Variants in CSF3R observed in about 807,000 individuals in gnomAD.
The protein encoded by CSF3R is colony stimulating factor 3 receptor, also known as granulocyte colony-stimulating factor receptor.
Under a neutral mutation model 84.4 loss-of-function variants are expected in CSF3R, and 52 were observed. The observed-to-expected ratio is 0.62, with a 90% CI of 0.49 to 0.78. CSF3R has a LOEUF of 0.78. Ranked by LOEUF, CSF3R falls within the 30% of genes least tolerant of loss-of-function variation. The probability of loss-of-function intolerance (pLI) is 0.00; values close to 1 mark genes in which losing one functional copy is unlikely to be tolerated. For synonymous variants in CSF3R, 384 were observed against 429.1 expected (o/e 0.89, Z 1.30); for missense variants, 890 against 1,055.7 (o/e 0.84, Z 2.17).
At chr1:36,482,275 G>A (rs1651567841) in intron 1 of CSF3R, among the ~76,000 whole-genome samples, 1 of 147,534 alleles carries the variant, frequency 6.8e-6, no homozygotes, top group South Asian at 2.2e-4. Flanking sequence ...AGAGAAAAAG[G>A]GCCCAATGTA....
At chr1:36,478,694 C>CAAA (rs111737215) in intron 3 of CSF3R, among the ~76,000 whole-genome samples, 67 of 139,220 alleles carry the variant, frequency 4.8e-4, no homozygotes, top group African/African-American at 1.7e-3. Context: ...CAAAAAAATA[C>CAAA]AACAACAAAA....
Position 36,466,880 on chromosome 1 carries a change from A to G in CSF3R, c.2041-53T>C. On this transcript the variant is annotated intron_variant, in intron 16 of 16. Coordinates refer to ENST00000373106, the MANE Select transcript of CSF3R (RefSeq NM_000760.4). The surrounding 1 kb of genome is among the most constrained non-coding windows in gnomAD (Gnocchi z 4.6). Reference sequence around the variant, plus strand: ...ACGGCTCATTTCAGATGTCTGCCCCAGCCACTGTCCCTGTCTGGGTCCGGG... The same window carrying G: ...ACGGCTCATTTCAGATGTCTGCCCCGGCCACTGTCCCTGTCTGGGTCCGGG... 1 of 1,614,108 alleles carries G rather than the reference A, an allele frequency of 6.2e-7. No individual in the cohort carries two copies. Among genetic ancestry groups the G allele is most frequent in the Non-Finnish European group, 8.5e-7 (1 of 1,179,986 alleles).
In CSF3R at chr1:36,471,416, C is replaced by A. The variant is rs779388363; in HGVS notation, c.1285+17G>T. ...GCGCTTGACCTCTGTGCTCTTCTGG[C>A]TGCCAGCCCCCTTTACCTCTGCTTT... On this transcript the variant is annotated intron_variant, in intron 10 of 16. Coordinates refer to ENST00000373106, the MANE Select transcript of CSF3R (RefSeq NM_000760.4). The A allele has an allele frequency of 2.5e-6, 4 of 1,610,890 alleles. No individual in the cohort carries two copies. The highest frequency in any genetic ancestry group is 1.7e-5 in the Admixed American group (1 of 60,006).
intron 5 of CSF3R, 28 bp from the exon 6 acceptor site, chr1:36,473,650 A>C: frequency 1.2e-6 from 2 of 1,613,950 alleles, no homozygotes; most frequent in Non-Finnish European, 1.7e-6. Context: ...TTGGGTGCCA[A>C]GCAGAGGAAG....
At chr1:36,470,627 A>G (rs1242524381) in intron 10 of CSF3R, among the ~76,000 whole-genome samples, 1 of 152,250 alleles carries the variant, frequency 6.6e-6, no homozygotes, top group Non-Finnish European at 1.5e-5. Flanking sequence ...GTAAGTGGGA[A>G]TATTAGCTAT....
chr1:36,474,031 C>T (rs1650960300), intron 4 of CSF3R, 144 bp from the exon 5 acceptor site: 2 of 1,289,380 alleles, frequency 1.6e-6, no homozygotes, highest in Non-Finnish European at 2.2e-6. Context: ...GGCAGAGTGG[C>T]TCTGGAAGGG....
At chr1:36,471,942 G>A in intron 9 of CSF3R, 124 bp downstream of exon 9, 1 of 968,636 alleles carries the variant, frequency 1.0e-6, no homozygotes. Context: ...CAAAGTGCAT[G>A]CAAATCACAT....
intron 3 of CSF3R, chr1:36,477,589 AAACAAATC>A (rs1001823607): frequency 6.6e-6 from 1 of 151,682 alleles, no homozygotes; most frequent in Admixed American, 6.6e-5. Context: ...ATAAATAAAC[AAACAAATC>A]AACATACACT....
intron 10 of CSF3R, 38 bp downstream of exon 10, chr1:36,471,395 T>A: frequency 6.3e-7 from 1 of 1,589,284 alleles, no homozygotes. Context: ...ATTGATGCGC[T>A]TGACCTCTGT....
Position 36,467,891 on chromosome 1 carries a change from G to T in CSF3R, c.1795C>A (p.His599Asn), listed in dbSNP as rs750968883. 1.5e-5 allele frequency: 25 copies of T among 1,614,134 alleles called. 1 individual carries two copies. Among genetic ancestry groups the T allele is most frequent in the Non-Finnish European group, 1.9e-5 (23 of 1,180,054 alleles). Residue 599 changes from histidine (H) to asparagine (N), a missense_variant, in exon 14 of 17, where the codon CAC becomes AAC. Physicochemically the swap from His to Asn is moderately conservative, Grantham distance 68. Coordinates refer to ENST00000373106, the MANE Select transcript of CSF3R (RefSeq NM_000760.4). This position sits in a 1 kb window ranked among gnomAD's most constrained non-coding sequence, Gnocchi z 4.1. ...GLEPASLYHIHLMAASQAGAT... is the reference protein window; with the variant it reads ...GLEPASLYHINLMAASQAGAT... ...CCAGCCTGGCTGGCAGCCATGAGGT[G>T]GATGTGATACAGACTGGCGGGCTCC...
At chr1:36,477,920 G>A (rs576929868) in intron 3 of CSF3R, among the ~76,000 whole-genome samples, 41 of 151,988 alleles carry the variant, frequency 2.7e-4, no homozygotes, top group African/African-American at 9.4e-4. Flanking sequence ...CACCATGCCC[G>A]GCTAATTTTT....
At chr1:36,468,383 T>A in intron 12 of CSF3R, 162 bp from the exon 13 acceptor site, 1 of 682,144 alleles carries the variant, frequency 1.5e-6, no homozygotes, top group Non-Finnish European at 2.4e-6. Context: ...CCAGATTCCA[T>A]CTACTGCTAA....
chr1:36,477,905 C>T (rs1651263021), intron 3 of CSF3R, among the ~76,000 whole-genome samples: 1 of 152,026 alleles, frequency 6.6e-6, no homozygotes, highest in Non-Finnish European at 1.5e-5. Context: ...ACTACAGGCA[C>T]CCGGCACCAT....
chr1:36,471,546 G>C lies in CSF3R; in HGVS notation c.1172C>G (p.Thr391Arg). ...CAGGTGGAAGGTGCAGCTGAGCTCT[G>C]TGGTGTTGCAGAGGGGCAGGATGGC... is the stretch of plus-strand genomic sequence containing the variant. The part of the protein sequence containing the change: ...AGAILPLCNT[T>R]ELSCTFHLPS... The change falls in exon 10 of 17, where the codon ACA becomes AGA. Residue 391 changes from threonine (T) to arginine (R), a missense_variant. Transcript: ENST00000373106. 6.2e-7 allele frequency: 1 copy of C among 1,614,280 alleles called. No homozygotes were observed. The highest frequency in any genetic ancestry group is 8.5e-7 in the Non-Finnish European group (1 of 1,180,048).
intron 4 of CSF3R, among the ~76,000 whole-genome samples, chr1:36,474,312 A>G (rs1169215630): frequency 6.7e-6 from 1 of 150,074 alleles, no homozygotes; most frequent in Non-Finnish European, 1.5e-5. Flanking sequence ...TAAATGACTC[A>G]CTCTACATGA....
In CSF3R at chr1:36,475,560, G is replaced by A; in HGVS notation, c.178C>T (p.Gln60Ter). The A allele has an allele frequency of 6.2e-7, 1 of 1,613,892 alleles. No individual in the cohort carries two copies. Among genetic ancestry groups the A allele is most frequent in the Non-Finnish European group, 8.5e-7 (1 of 1,179,798 alleles). Residue 60 changes from glutamine (Q) to a stop codon, truncating the protein, a stop_gained, in exon 4 of 17, where the codon CAG becomes TAG. Transcript: ENST00000373106. LOFTEE classifies it high-confidence loss of function. ...TCTGCTCCCAGTCTCCACAGAATCTGTGGCTCCGGGTCCAGATGGCTGCAG... is the reference window on the plus strand; with the variant it reads ...TCTGCTCCCAGTCTCCACAGAATCTATGGCTCCGGGTCCAGATGGCTGCAG... ...QNCSHLDPEP[Q>*]ILWRLGAELQ...
rs200280777 is a variant in CSF3R, at chr1:36,466,856, C to T, written c.2041-29G>A. 279 of 1,614,096 alleles carry T rather than the reference C, an allele frequency of 1.7e-4. No individual in the cohort carries two copies. In the South Asian group the frequency reaches 2.6e-3, roughly 15 times the overall value. ...CACACAAGGATGTGGGGTGAGAGCA[C>T]GGCTCATTTCAGATGTCTGCCCCAG... is the stretch of plus-strand genomic sequence containing the variant. On this transcript the variant is annotated intron_variant, in intron 16 of 16. Transcript: ENST00000373106. The surrounding 1 kb of genome is among the most constrained non-coding windows in gnomAD (Gnocchi z 4.6).
chr1:36,471,605 A>T lies in CSF3R; in HGVS notation c.1113T>A (p.Tyr371Ter). 6.2e-7 allele frequency: 1 copy of T among 1,614,242 alleles called. No homozygotes were observed. The highest frequency in any genetic ancestry group is 8.5e-7 in the Non-Finnish European group (1 of 1,180,042). ...LEEDSGRIQG[Y>*]VVSWRPSGQA... ...GGCCTGAGGGTCTCCAAGAAACCAC[A>T]TAACCTTGGATCCGTCCGCTGTCTT... Residue 371 changes from tyrosine to a stop codon, truncating the protein, a stop_gained, in exon 10 of 17, where the codon TAT (tyrosine) becomes TAA (stop). Transcript: ENST00000373106. LOFTEE classifies it high-confidence loss of function.
In CSF3R at chr1:36,467,887, AGGT is replaced by A. The variant is rs1488680894; in HGVS notation, c.1796_1798del (p.His599del). 6.2e-7 allele frequency: 1 copy of A among 1,614,208 alleles called. No homozygotes were observed. The highest frequency in any genetic ancestry group is 1.1e-5 in the South Asian group (1 of 91,090). On this transcript the variant is annotated inframe_deletion, in exon 14 of 17. Coordinates refer to ENST00000373106, the MANE Select transcript of CSF3R (RefSeq NM_000760.4). The surrounding 1 kb of genome is among the most constrained non-coding windows in gnomAD (Gnocchi z 4.1). ...GGCCCCAGCCTGGCTGGCAGCCATG[AGGT>A]GGATGTGATACAGACTGGCGGGCTC...
Sources: allele counts gnomAD v4.1 joint callset (sites outside exome capture counted in the v4.1 genomes callset), GRCh38; gene constraint gnomAD v4.1.1; non-coding constraint Gnocchi (gnomAD v3.1); transcripts MANE v1.5; gene names NCBI Gene and HGNC (gene_info 2026-07-23, HGNC 2026-07-21).